The following LHFPL6 variants were observed in gnomAD, a reference collection of about 807,000 sequenced individuals.
The protein encoded by LHFPL6 is LHFPL tetraspan subfamily member 6 protein.
Under a neutral mutation model 20.6 loss-of-function variants are expected in LHFPL6, and 9 were observed. That is an observed-to-expected ratio of 0.44 (90% CI 0.26 to 0.76). The LOEUF (loss-of-function observed/expected upper bound fraction) is 0.76. Ranked by LOEUF, LHFPL6 falls within the 30% of genes least tolerant of loss-of-function variation. The pLI is 0.20. For missense variants in LHFPL6, 218 were observed against 253.5 expected, an observed-to-expected ratio of 0.86 and a Z score of 0.95; for synonymous variants, 105 against 98.7, an observed-to-expected ratio of 1.06 and a Z score of -0.38.
chr13:39,409,911 A>G (rs1408548527), intron 2 of LHFPL6, among the ~76,000 whole-genome samples: 1 of 152,228 alleles, frequency 6.6e-6, no homozygotes, highest in Non-Finnish European at 1.5e-5. Context: ...CTATTCAACA[A>G]TATGGCAAGA....
intron 2 of LHFPL6, among the ~76,000 whole-genome samples, chr13:39,435,219 AC>A (rs1227588443): frequency 2.0e-5 from 3 of 152,282 alleles, no homozygotes; most frequent in Middle Eastern, 3.4e-3. Context: ...AGCCAAATTA[AC>A]CTTTTTTTAA....
At chr13:39,491,143 T>C (rs974118942) in intron 2 of LHFPL6, among the ~76,000 whole-genome samples, 1 of 152,116 alleles carries the variant, frequency 6.6e-6, no homozygotes, top group Non-Finnish European at 1.5e-5. Flanking sequence ...TTGCAAGAAG[T>C]ACAAGGCAAA....
At chr13:39,542,298 T>C (rs1287625166) in intron 2 of LHFPL6, among the ~76,000 whole-genome samples, 1 of 151,906 alleles carries the variant, frequency 6.6e-6, no homozygotes, top group African/African-American at 2.4e-5. Flanking sequence ...GGAAAAAAAT[T>C]GTGGAAGAAA....
intron 2 of LHFPL6, among the ~76,000 whole-genome samples, chr13:39,527,550 T>C (rs1254917869): frequency 6.6e-6 from 1 of 151,940 alleles, no homozygotes; most frequent in Non-Finnish European, 1.5e-5. Flanking sequence ...TGAAACCATG[T>C]CAGGTTTCAA....
intron 2 of LHFPL6, among the ~76,000 whole-genome samples, chr13:39,495,443 TCTC>T (rs1869066489): frequency 6.6e-6 from 1 of 152,194 alleles, no homozygotes; most frequent in Admixed American, 6.5e-5. Context: ...ACATTGTAGT[TCTC>T]AAATCATTCA....
intron 2 of LHFPL6, among the ~76,000 whole-genome samples, chr13:39,516,870 C>T (rs747438628): frequency 3.3e-5 from 5 of 152,166 alleles, no homozygotes; most frequent in East Asian, 3.9e-4. Context: ...TGGAGGGAGT[C>T]GTACCAATGC....
At chr13:39,554,738 G>T (rs1045595331) in intron 2 of LHFPL6, among the ~76,000 whole-genome samples, 1 of 152,142 alleles carries the variant, frequency 6.6e-6, no homozygotes, top group Non-Finnish European at 1.5e-5. Context: ...TGTCCCCCCA[G>T]CCATTCACAT....
chr13:39,460,861 G>T (rs1872671676), intron 2 of LHFPL6, among the ~76,000 whole-genome samples: 1 of 152,054 alleles, frequency 6.6e-6, no homozygotes, highest in Non-Finnish European at 1.5e-5. Flanking sequence ...AGGTTCAGGG[G>T]GTGCATGTGC....
chr13:39,360,679 A>G (rs12430909), intron 3 of LHFPL6, among the ~76,000 whole-genome samples: 7,653 of 92,812 alleles, frequency 0.082, 2,400 homozygotes, highest in East Asian at 0.26. Flanking sequence ...GACATGCATT[A>G]GAGGGCAATG....
intron 2 of LHFPL6, among the ~76,000 whole-genome samples, chr13:39,401,866 C>T (rs558067041): frequency 5.6e-4 from 86 of 152,270 alleles, no homozygotes; most frequent in African/African-American, 2.0e-3. Flanking sequence ...GCCTTGGTCA[C>T]GACAACCACT....
intron 2 of LHFPL6, among the ~76,000 whole-genome samples, chr13:39,495,864 A>G (rs1869084714): frequency 6.7e-6 from 1 of 149,766 alleles, no homozygotes; most frequent in Non-Finnish European, 1.5e-5. Context: ...TGTTGTAGAA[A>G]GACTTCAGGC....
rs67172252 is a variant in LHFPL6, at chr13:39,343,603, T to TTGTGTGTGTGTGTG, written c.*319_*332dup. The TTGTGTGTGTGTGTG allele has an allele frequency of 5.4e-4, 105 of 195,132 alleles. 1 individual carries two copies. The highest frequency in any genetic ancestry group is 8.8e-4 in the Non-Finnish European group (88 of 99,544). 12.1% of individuals were successfully genotyped at this position (195,132 alleles called of 1,614,324 possible). On this transcript the variant is annotated 3_prime_UTR_variant, in exon 4 of 4. Transcript: ENST00000379589. ...ACCCTTGTTTGTATATGTAGATTTG[T>TTGTGTGTGTGTGTG]TGTGTGTGTGTGTGTGTGTGTGTGT... is the stretch of plus-strand genomic sequence containing the variant.
intron 2 of LHFPL6, among the ~76,000 whole-genome samples, chr13:39,588,325 T>C (rs1053376336): frequency 6.6e-6 from 1 of 152,228 alleles, no homozygotes; most frequent in Admixed American, 6.5e-5. Context: ...CAGTGGGCAC[T>C]CGATAAGTAA....
intron 2 of LHFPL6, among the ~76,000 whole-genome samples, chr13:39,379,910 C>T (rs569742590): frequency 6.6e-6 from 1 of 152,208 alleles, no homozygotes; most frequent in Admixed American, 6.5e-5. Context: ...CTATGAATCA[C>T]TAGTCTCAGG....
chr13:39,378,384 AG>A, intron 3 of LHFPL6, 43 bp downstream of exon 3: 2 of 1,496,444 alleles, frequency 1.3e-6, no homozygotes, highest in Non-Finnish European at 1.9e-6. Context: ...ACATCAGATA[AG>A]GTTCTTTTTC....
At chr13:39,567,502 C>A (rs1225522820) in intron 2 of LHFPL6, among the ~76,000 whole-genome samples, 1 of 152,146 alleles carries the variant, frequency 6.6e-6, no homozygotes, top group Admixed American at 6.5e-5. Context: ...AGACTTTTTC[C>A]ATAGAGGTCC....
At chr13:39,495,700 A>G (rs1460544007) in intron 2 of LHFPL6, among the ~76,000 whole-genome samples, 1 of 151,980 alleles carries the variant, frequency 6.6e-6, no homozygotes, top group African/African-American at 2.4e-5. Context: ...TAGTAAATCA[A>G]TATGTATAAT....
At chr13:39,578,848 G>A (rs1872195721) in intron 2 of LHFPL6, among the ~76,000 whole-genome samples, 1 of 152,094 alleles carries the variant, frequency 6.6e-6, no homozygotes, top group South Asian at 2.1e-4. Context: ...CTCCAGCTGG[G>A]CAATCAGAGG....
intron 2 of LHFPL6, among the ~76,000 whole-genome samples, chr13:39,577,849 C>A (rs564601241): frequency 7.2e-5 from 11 of 151,982 alleles, no homozygotes; most frequent in Admixed American, 7.2e-4. Context: ...CCATGTTGGC[C>A]AGGCTGGTCT....
Sources: gnomAD v4.1 joint callset for allele counts (sites outside exome capture counted in the v4.1 genomes callset) on GRCh38, gnomAD v4.1.1 for gene constraint, MANE v1.5 for transcripts, NCBI Gene and HGNC (gene_info 2026-07-23, HGNC 2026-07-21) for gene names.